GADL1: variants seen among roughly 807,000 people sequenced by gnomAD.
GADL1 encodes the protein acidic amino acid decarboxylase GADL1.
Under a neutral mutation model 69.5 loss-of-function variants are expected in GADL1, and 71 were observed. That is an observed-to-expected ratio of 1.02 (90% CI 0.84 to 1.25). The LOEUF (loss-of-function observed/expected upper bound fraction) is 1.25. Among genes scored for constraint, GADL1 ranks in the 50% most tolerant of loss-of-function variants. The probability of loss-of-function intolerance (pLI) is 0.00; values close to 1 mark genes in which losing one functional copy is unlikely to be tolerated. For missense variants in GADL1, 737 were observed against 631.8 expected, an observed-to-expected ratio of 1.17 and a Z score of -1.79; for synonymous variants, 254 against 214.4, an observed-to-expected ratio of 1.18 and a Z score of -1.62.
intron 14 of GADL1, among the ~76,000 whole-genome samples, chr3:30,738,862 T>G (rs1184213695): frequency 6.6e-6 from 1 of 152,202 alleles, no homozygotes; most frequent in Non-Finnish European, 1.5e-5. Flanking sequence ...CTATAGAAGA[T>G]GAAAATTATG....
chr3:30,793,034 C>T (rs1043009736), intron 12 of GADL1, among the ~76,000 whole-genome samples: 1 of 152,028 alleles, frequency 6.6e-6, no homozygotes, highest in Admixed American at 6.6e-5. Context: ...TATTACAGGC[C>T]CTCTCAAAGT....
intron 13 of GADL1, among the ~76,000 whole-genome samples, chr3:30,779,451 AAG>A (rs1207937857): frequency 2.0e-5 from 3 of 152,250 alleles, no homozygotes; most frequent in Non-Finnish European, 2.9e-5. Context: ...TCTTAATAAA[AAG>A]TAGTTTAAAA....
At chr3:30,767,546 G>C (rs985539039) in intron 14 of GADL1, among the ~76,000 whole-genome samples, 1 of 152,130 alleles carries the variant, frequency 6.6e-6, no homozygotes, top group African/African-American at 2.4e-5. Context: ...AAATGATCAG[G>C]TTAGATTCAT....
At chr3:30,760,518 C>T (rs1362308744) in intron 14 of GADL1, among the ~76,000 whole-genome samples, 4 of 152,168 alleles carry the variant, frequency 2.6e-5, no homozygotes, top group Admixed American at 2.6e-4. Flanking sequence ...CTCCAAACCA[C>T]ATCCAGCAAT....
At chr3:30,832,590 A>G (rs1697810099) in intron 11 of GADL1, among the ~76,000 whole-genome samples, 1 of 152,014 alleles carries the variant, frequency 6.6e-6, no homozygotes, top group African/African-American at 2.4e-5. Flanking sequence ...AATGTAAAAT[A>G]CCTCACTCAT....
chr3:30,766,556 A>AT (rs1553637107), intron 14 of GADL1, among the ~76,000 whole-genome samples: 13 of 117,102 alleles, frequency 1.1e-4, no homozygotes, highest in East Asian at 4.5e-4. Context: ...CATTACTGTG[A>AT]TTTTTTTTCT....
chr3:30,870,555 A>G (rs988753809), intron 1 of GADL1, among the ~76,000 whole-genome samples: 5 of 151,754 alleles, frequency 3.3e-5, no homozygotes, highest in African/African-American at 7.3e-5. Context: ...ACAGAGGAGT[A>G]ACATGAACTG....
intron 1 of GADL1, among the ~76,000 whole-genome samples, chr3:30,883,867 G>C (rs1412285649): frequency 6.6e-6 from 1 of 151,612 alleles, no homozygotes; most frequent in Admixed American, 6.6e-5. Flanking sequence ...CCTTCATTGG[G>C]TTTGTTACTA....
chr3:30,877,107 A>G (rs1307702478), intron 1 of GADL1, among the ~76,000 whole-genome samples: 2 of 151,958 alleles, frequency 1.3e-5, no homozygotes, highest in African/African-American at 4.8e-5. Flanking sequence ...AGGCAAGTAT[A>G]CCCAGTTCTA....
At chr3:30,813,066 A>G (rs1440576893) in intron 11 of GADL1, among the ~76,000 whole-genome samples, 1 of 152,130 alleles carries the variant, frequency 6.6e-6, no homozygotes, top group African/African-American at 2.4e-5. Flanking sequence ...AACAGAAGAG[A>G]TTACAGAATT....
intron 14 of GADL1, among the ~76,000 whole-genome samples, chr3:30,754,158 G>A (rs930533551): frequency 2.0e-5 from 3 of 152,194 alleles, no homozygotes; most frequent in African/African-American, 7.2e-5. Context: ...AAATAGACAA[G>A]GTTGTGGATT....
chr3:30,765,479 A>G (rs567098359), intron 14 of GADL1, among the ~76,000 whole-genome samples: 24 of 152,308 alleles, frequency 1.6e-4, no homozygotes, highest in African/African-American at 5.8e-4. Flanking sequence ...TTTTCTATGC[A>G]TCTACTATGT....
At chr3:30,889,040 A>G (rs1698747727) in intron 1 of GADL1, among the ~76,000 whole-genome samples, 1 of 143,578 alleles carries the variant, frequency 7.0e-6, no homozygotes, top group South Asian at 2.2e-4. Context: ...GTATTAGTAC[A>G]TTTTCATACT....
chr3:30,759,645 T>C (rs887598544), intron 14 of GADL1, among the ~76,000 whole-genome samples: 6 of 152,190 alleles, frequency 3.9e-5, no homozygotes, highest in Non-Finnish European at 8.8e-5. Context: ...TAAACCTGTT[T>C]TTTAAAAGTG....
intron 11 of GADL1, among the ~76,000 whole-genome samples, chr3:30,806,690 T>G (rs1049385314): frequency 6.6e-6 from 1 of 152,094 alleles, no homozygotes; most frequent in Non-Finnish European, 1.5e-5. Flanking sequence ...TTCACCACCT[T>G]AGAGGTGTGA....
chr3:30,868,160 T>C (rs995775410), intron 1 of GADL1, among the ~76,000 whole-genome samples: 4 of 152,060 alleles, frequency 2.6e-5, no homozygotes, highest in Non-Finnish European at 5.9e-5. Flanking sequence ...ATGAGTTAAG[T>C]ACATGGAATT....
chr3:30,835,593 G>GC (rs1697860928), intron 9 of GADL1, among the ~76,000 whole-genome samples: 1 of 152,022 alleles, frequency 6.6e-6, no homozygotes, highest in South Asian at 2.1e-4. Flanking sequence ...GAGTCAGGGT[G>GC]CATAATTCAA....
chr3:30,735,011 TTTG>T (rs750327587), intron 14 of GADL1, among the ~76,000 whole-genome samples: 1 of 151,920 alleles, frequency 6.6e-6, no homozygotes, highest in African/African-American at 2.4e-5. Context: ...ATCTCTCTAC[TTTG>T]TTGTTGTTGT....
intron 14 of GADL1, among the ~76,000 whole-genome samples, chr3:30,740,649 T>C (rs1029846361): frequency 2.0e-5 from 3 of 152,026 alleles, no homozygotes; most frequent in African/African-American, 7.2e-5. Flanking sequence ...CAACTCCTAC[T>C]TTCTTACTCT....
Sources: allele counts gnomAD v4.1 joint callset (sites outside exome capture counted in the v4.1 genomes callset), GRCh38; gene constraint gnomAD v4.1.1; transcripts MANE v1.5; gene names NCBI Gene and HGNC (gene_info 2026-07-23, HGNC 2026-07-21).